Variants in ZNF691 observed in about 807,000 individuals in gnomAD.
ZNF691 encodes zinc finger protein 691.
In ZNF691, 11 loss-of-function variants were observed where a neutral mutation model predicts 24.1. That is an observed-to-expected ratio of 0.46 (90% CI 0.29 to 0.75). ZNF691 has a LOEUF of 0.75. Among genes scored for constraint, ZNF691 ranks in the 30% least tolerant of loss-of-function variants. ZNF691 has a pLI of 0.11. For synonymous variants in ZNF691, 149 were observed against 153.9 expected (o/e 0.97, Z 0.23); for missense variants, 356 against 409.0 (o/e 0.87, Z 1.12).
chr1:42,847,911 G>A lies in ZNF691; in HGVS notation c.-218+1254G>A, dbSNP rs138107537. ...TATATGGTCCTTAGTCCACAGCTTA[G>A]CACTTGATTCGAGCTTTAAAAAAAT... On this transcript the variant is annotated intron_variant, in intron 1 of 3. Coordinates refer to ENST00000651192, the MANE Select transcript of ZNF691 (RefSeq NM_001242739.2). 6.1e-3 allele frequency among the ~76,000 whole-genome samples: 935 copies of A among 152,334 alleles called. 36 individuals carry two copies. Among genetic ancestry groups the A allele is most frequent in the Admixed American group, 0.055 (837 of 15,306 alleles).
rs1442376508 is a variant in ZNF691 at position 42,851,563 on chromosome 1, G to A, written c.698G>A (p.Gly233Glu). The A allele has an allele frequency of 6.2e-7, 1 of 1,614,236 alleles. No individual in the cohort carries two copies. Among genetic ancestry groups the A allele is most frequent in the Non-Finnish European group, 8.5e-7 (1 of 1,180,042 alleles). ...GCACCCTACATCTGCTGTGAGTGTG[G>A]GAAGAGCTTCAGCAACAGCTCCAGC... ...EPAPYICCECGKSFSNSSSFG... is the reference protein window; with the variant it reads ...EPAPYICCECEKSFSNSSSFG... Residue 233 changes from glycine to glutamate, a missense_variant, in exon 4 of 4, where the codon GGG (glycine) becomes GAG (glutamate). Gly to Glu is a moderately conservative substitution (Grantham distance 98, BLOSUM62 -2). Coordinates refer to ENST00000651192, the MANE Select transcript of ZNF691 (RefSeq NM_001242739.2). This position sits in a 1 kb window ranked among gnomAD's most constrained non-coding sequence, Gnocchi z 4.7.
At position 42,849,696 on chromosome 1, in the gene ZNF691, C is replaced by T. The variant is rs1164587775; in HGVS notation, c.38C>T (p.Ser13Leu). The change falls in exon 3 of 4, where the codon TCG (serine) becomes TTG (leucine). Residue 13 changes from serine (S) to leucine (L), a missense_variant. By Grantham distance (145) the Ser-to-Leu change is moderately radical. Coordinates refer to ENST00000651192, the MANE Select transcript of ZNF691 (RefSeq NM_001242739.2). ...LCSPTHSAEM[S>L]LFLQGPEEML... is the part of the protein sequence containing the mutation. ...TCACCAACCCACTCTGCTGAAATGT[C>T]GTTATTTCTTCAAGGCCCGGAGGAA... 1.4e-5 allele frequency: 22 copies of T among 1,551,066 alleles called. No individual in the cohort carries two copies. The highest frequency in any genetic ancestry group is 4.1e-5 in the African/African-American group (3 of 73,042).
At chr1:42,850,334 G>A (rs1655348951) in intron 3 of ZNF691, 2 of 859,264 alleles carry the variant, frequency 2.3e-6, no homozygotes, top group Non-Finnish European at 2.8e-6. Context: ...AGGCCCCACA[G>A]TAGGTCCTGG....
At chr1:42,848,680 CAAAA>C (rs535127694) in intron 1 of ZNF691, among the ~76,000 whole-genome samples, 2 of 150,464 alleles carry the variant, frequency 1.3e-5, no homozygotes, top group South Asian at 2.1e-4. Flanking sequence ...AAAAAAAAAA[CAAAA>C]AAACAACAAA....
At chr1:42,848,165 T>A (rs115564764) in intron 1 of ZNF691, among the ~76,000 whole-genome samples, 175 of 152,308 alleles carry the variant, frequency 1.1e-3, no homozygotes, top group Non-Finnish European at 1.9e-3. Context: ...GAGCTGGAAC[T>A]TGGTAAATTA....
intron 3 of ZNF691, 168 bp from the exon 4 acceptor site, chr1:42,850,782 A>G (rs1221282232): frequency 6.5e-7 from 1 of 1,549,732 alleles, no homozygotes; most frequent in South Asian, 1.2e-5. Context: ...TTGTCACTTA[A>G]AAGGTAGCAA....
Position 42,851,298 on chromosome 1 carries a change from T to G in ZNF691, c.433T>G (p.Cys145Gly). 6.2e-7 allele frequency: 1 copy of G among 1,613,898 alleles called. No individual in the cohort carries two copies. The highest frequency in any genetic ancestry group is 8.5e-7 in the Non-Finnish European group (1 of 1,179,988). Residue 145 changes from cysteine to glycine, a missense_variant, in exon 4 of 4, where the codon TGT (cysteine) becomes GGT (glycine). Coordinates refer to ENST00000651192, the MANE Select transcript of ZNF691 (RefSeq NM_001242739.2). The surrounding 1 kb of genome is among the most constrained non-coding windows in gnomAD (Gnocchi z 4.7). ...CCACACTGGTGAGAAGCCTTACAAG[T>G]GTTCTGAATGTGGCAAGAGCTTCTC... ...RIHTGEKPYKCSECGKSFSRS... is the reference protein window; with the variant it reads ...RIHTGEKPYKGSECGKSFSRS...
At chr1:42,849,213 A>C in intron 1 of ZNF691, 78 bp from the exon 2 acceptor site, 1 of 352,916 alleles carries the variant, frequency 2.8e-6, no homozygotes, top group Non-Finnish European at 5.5e-6. Flanking sequence ...GGTTATATAC[A>C]GTTTTATGCT....
At chr1:42,847,009 C>G (rs1211881913) in intron 1 of ZNF691, among the ~76,000 whole-genome samples, 1 of 152,164 alleles carries the variant, frequency 6.6e-6, no homozygotes, top group Non-Finnish European at 1.5e-5. Flanking sequence ...ACCCTTGGAC[C>G]TCCGCCATTG....
chr1:42,851,914 T>C lies in ZNF691; in HGVS notation c.*101T>C. The C allele has an allele frequency of 6.5e-7, 1 of 1,533,660 alleles. No homozygotes were observed. The highest frequency in any genetic ancestry group is 8.9e-7 in the Non-Finnish European group (1 of 1,126,608). On this transcript the variant is annotated 3_prime_UTR_variant, in exon 4 of 4. Coordinates refer to ENST00000651192, the MANE Select transcript of ZNF691 (RefSeq NM_001242739.2). The surrounding 1 kb of genome is among the most constrained non-coding windows in gnomAD (Gnocchi z 4.7). ...TGCTGCTACCTTGACCTCAAGCCCT[T>C]CATCCCACTTTGGAGAATGGTTTTG...
At chr1:42,850,666 A>T (rs1311239288) in intron 3 of ZNF691, 1 of 1,550,488 alleles carries the variant, frequency 6.4e-7, no homozygotes, top group Admixed American at 2.0e-5. Flanking sequence ...TAGTGGTTTC[A>T]AGAAGAGTGA....
intron 1 of ZNF691, among the ~76,000 whole-genome samples, chr1:42,848,050 T>G (rs1318663808): frequency 6.6e-6 from 1 of 152,212 alleles, no homozygotes; most frequent in East Asian, 1.9e-4. Context: ...TATGACAATT[T>G]CTGGAGTTCA....
In ZNF691 at chr1:42,851,419, A is replaced by G. The variant is rs1380462856; in HGVS notation, c.554A>G (p.Asp185Gly). 1 of 1,614,142 alleles carries G rather than the reference A, an allele frequency of 6.2e-7. No individual in the cohort carries two copies. The highest frequency in any genetic ancestry group is 1.1e-5 in the South Asian group (1 of 91,086). The change falls in exon 4 of 4, where the codon GAC (aspartate) becomes GGC (glycine). Residue 185 changes from aspartate (D) to glycine (G), a missense_variant. By Grantham distance (94) the Asp-to-Gly change is moderately conservative (BLOSUM62 -1). Coordinates refer to ENST00000651192, the MANE Select transcript of ZNF691 (RefSeq NM_001242739.2). This position sits in a 1 kb window ranked among gnomAD's most constrained non-coding sequence, Gnocchi z 4.7. Reference sequence around the variant, plus strand: ...CAGGAGAGCTTTCGGCGGCGCTCAGACCTCACCACGCACCAGCAAGATCAC... The same window carrying G: ...CAGGAGAGCTTTCGGCGGCGCTCAGGCCTCACCACGCACCAGCAAGATCAC... The part of the protein sequence containing the change: ...KCQESFRRRS[D>G]LTTHQQDHLG...
chr1:42,850,062 G>A (rs1655339544), intron 3 of ZNF691, among the ~76,000 whole-genome samples: 1 of 152,072 alleles, frequency 6.6e-6, no homozygotes, highest in South Asian at 2.1e-4. Context: ...ATGTATGTGT[G>A]TGGTGTGATA....
intron 1 of ZNF691, among the ~76,000 whole-genome samples, chr1:42,848,061 C>A (rs549131839): frequency 1.3e-5 from 2 of 152,304 alleles, no homozygotes; most frequent in African/African-American, 4.8e-5. Context: ...CTGGAGTTCA[C>A]GGTCTGTTTC....
At position 42,849,680 on chromosome 1, in the gene ZNF691, C is replaced by G. The variant is rs1423791623; in HGVS notation, c.22C>G (p.His8Asp). 1 of 1,551,184 alleles carries G rather than the reference C, an allele frequency of 6.4e-7. No homozygotes were observed. The highest frequency in any genetic ancestry group is 2.0e-5 in the Admixed American group (1 of 51,008). MSLCSPT[H>D]SAEMSLFLQG... ...GTTCATGTCACTCTGTTCACCAACC[C>G]ACTCTGCTGAAATGTCGTTATTTCT... is the stretch of plus-strand genomic sequence containing the variant. Residue 8 changes from histidine (H) to aspartate (D), a missense_variant, in exon 3 of 4, where the codon CAC (histidine) becomes GAC (aspartate). Coordinates refer to ENST00000651192, the MANE Select transcript of ZNF691 (RefSeq NM_001242739.2).
chr1:42,850,905 C>T, intron 3 of ZNF691, 45 bp from the exon 4 acceptor site: 1 of 1,543,030 alleles, frequency 6.5e-7, no homozygotes, highest in Non-Finnish European at 8.7e-7. Context: ...GTGATCTGGC[C>T]CAACCCAAAG....
intron 3 of ZNF691, among the ~76,000 whole-genome samples, chr1:42,850,081 C>T (rs901913766): frequency 1.3e-5 from 2 of 151,592 alleles, no homozygotes; most frequent in Non-Finnish European, 2.9e-5. Flanking sequence ...TAATGTATGG[C>T]TGTGTGTGGT....
At chr1:42,850,849 C>T in intron 3 of ZNF691, 101 bp from the exon 4 acceptor site, 1 of 1,573,960 alleles carries the variant, frequency 6.4e-7, no homozygotes, top group Non-Finnish European at 8.6e-7. Flanking sequence ...AATGGATGGT[C>T]CCATGGGGAA....
Sources: gnomAD v4.1 joint callset for allele counts (sites outside exome capture counted in the v4.1 genomes callset) on GRCh38, gnomAD v4.1.1 for gene constraint, Gnocchi (gnomAD v3.1) non-coding constraint, MANE v1.5 for transcripts, NCBI Gene and HGNC (gene_info 2026-07-23, HGNC 2026-07-21) for gene names.